Variants in RPS6KA2 observed in about 807,000 individuals in gnomAD.
RPS6KA2 encodes the protein ribosomal protein S6 kinase A2.
A neutral mutation model predicts 91.8 loss-of-function variants in RPS6KA2; 42 were observed. The observed-to-expected ratio is 0.46, with a 90% CI of 0.36 to 0.59. RPS6KA2 has a LOEUF of 0.59. Ranked by LOEUF, RPS6KA2 falls within the 20% of genes least tolerant of loss-of-function variation. The pLI, the probability that RPS6KA2 is intolerant of heterozygous loss-of-function variation, is 0.00. For synonymous variants in RPS6KA2, 414 were observed against 393.6 expected, an observed-to-expected ratio of 1.05 and a Z score of -0.61; for missense variants, 798 against 978.5, an observed-to-expected ratio of 0.82 and a Z score of 2.46.
intron 11 of RPS6KA2, among the ~76,000 whole-genome samples, chr6:166,469,398 C>T (rs938062707): frequency 4.2e-4 from 62 of 148,364 alleles, no homozygotes; most frequent in African/African-American, 1.5e-3. Context: ...AATGCAGTAT[C>T]GAATCTGGGC....
intron 3 of RPS6KA2, among the ~76,000 whole-genome samples, chr6:166,513,365 G>A (rs550271451): frequency 2.6e-5 from 4 of 152,334 alleles, no homozygotes; most frequent in South Asian, 2.1e-4. Flanking sequence ...GTGCGGGAGC[G>A]ACTGCTTATC....
intron 1 of RPS6KA2, chr6:166,586,052 C>T: frequency 1.3e-6 from 1 of 795,078 alleles, no homozygotes; most frequent in Non-Finnish European, 1.8e-6. Context: ...CTATGACCAA[C>T]AGAAGACACC....
At position 166,535,355 on chromosome 6, in the gene RPS6KA2, C is replaced by T. The variant is rs532028202; in HGVS notation, c.216+3313G>A. 1.5e-3 allele frequency among the ~76,000 whole-genome samples: 224 copies of T among 152,248 alleles called. 1 individual carries two copies. The highest frequency in any genetic ancestry group is 6.8e-3 in the Middle Eastern group (2 of 294). On this transcript the variant is annotated intron_variant, in intron 2 of 20. Transcript: ENST00000265678. ...ATCCTTCAAGCAGGAGCTAAATGCC[C>T]ATGTGCACTTCCAGGGACTTTTGAG... is the stretch of plus-strand genomic sequence containing the variant.
At chr6:166,492,948 A>T (rs4710058) in intron 8 of RPS6KA2, among the ~76,000 whole-genome samples, 78,925 of 148,472 alleles carry the variant, frequency 0.53, 22,985 homozygotes, top group African/African-American at 0.77. Context: ...GCCAGGCTGA[A>T]CTGGAACTCC....
At chr6:166,708,431 GA>G (rs1279014179) in intron 2 of RPS6KA2, among the ~76,000 whole-genome samples, 1 of 152,168 alleles carries the variant, frequency 6.6e-6, no homozygotes, top group East Asian at 1.9e-4. Context: ...ACTTGACACA[GA>G]AAAATCTCAA....
chr6:166,482,213 C>T (rs1781250903), intron 10 of RPS6KA2, among the ~76,000 whole-genome samples: 1 of 152,254 alleles, frequency 6.6e-6, no homozygotes, highest in South Asian at 2.1e-4. Flanking sequence ...GTTAAGTTCT[C>T]TGATGAGACG....
intron 2 of RPS6KA2, among the ~76,000 whole-genome samples, chr6:166,739,583 G>A (rs770806620): frequency 5.9e-5 from 9 of 152,210 alleles, no homozygotes; most frequent in African/African-American, 1.9e-4. Context: ...ATGAGAGAGC[G>A]GGTACGGAAA....
At chr6:166,468,654 G>C (rs1780629293) in intron 11 of RPS6KA2, among the ~76,000 whole-genome samples, 1 of 152,188 alleles carries the variant, frequency 6.6e-6, no homozygotes, top group Non-Finnish European at 1.5e-5. Flanking sequence ...ATGAGGTCAG[G>C]AGATCGAGAT....
intron 2 of RPS6KA2, among the ~76,000 whole-genome samples, chr6:166,791,557 T>G (rs1779090384): frequency 1.3e-5 from 2 of 152,172 alleles, no homozygotes. Flanking sequence ...ATCAACAGAA[T>G]GTACATTCTT....
chr6:166,444,753 T>C (rs545794055), intron 14 of RPS6KA2, among the ~76,000 whole-genome samples: 2 of 152,304 alleles, frequency 1.3e-5, no homozygotes, highest in Non-Finnish European at 2.9e-5. Flanking sequence ...GGAATCCAGG[T>C]TGTCATTCAG....
Position 166,616,203 on chromosome 6 carries a change from T to C in RPS6KA2, c.99+10718A>G, listed in dbSNP as rs187606812. Among the ~76,000 whole-genome samples, 326 of 152,304 alleles carry C rather than the reference T, an allele frequency of 2.1e-3. 1 individual carries two copies. Among genetic ancestry groups the C allele is most frequent in the Non-Finnish European group, 4.0e-3 (273 of 68,008 alleles). ...TACGGGTCAGACCCTGTAAGGCAGA[T>C]GTTATACTAATTTTACAGAGAAGAA... On this transcript the variant is annotated intron_variant, in intron 1 of 20. Coordinates refer to ENST00000265678, the MANE Select transcript of RPS6KA2 (RefSeq NM_021135.6).
intron 11 of RPS6KA2, among the ~76,000 whole-genome samples, chr6:166,469,482 G>T (rs1780674388): frequency 6.6e-6 from 1 of 152,148 alleles, no homozygotes; most frequent in Admixed American, 6.5e-5. Flanking sequence ...AGCCCTTGAG[G>T]TTAGAAGACA....
At chr6:166,768,742 G>C (rs775730304) in intron 2 of RPS6KA2, among the ~76,000 whole-genome samples, 2 of 152,192 alleles carry the variant, frequency 1.3e-5, no homozygotes, top group South Asian at 2.1e-4. Context: ...CTGCTCCCGG[G>C]TGACGCTGTG....
chr6:166,783,015 A>G (rs934448848), intron 2 of RPS6KA2, among the ~76,000 whole-genome samples: 1 of 151,596 alleles, frequency 6.6e-6, no homozygotes, highest in Admixed American at 6.6e-5. Context: ...TTGGTCAAAC[A>G]CCAGTCTAAA....
At chr6:166,740,381 A>G (rs1790776955) in intron 2 of RPS6KA2, among the ~76,000 whole-genome samples, 1 of 152,250 alleles carries the variant, frequency 6.6e-6, no homozygotes, top group Admixed American at 6.5e-5. Context: ...TCAAAGTAGC[A>G]GAGAGGAAAA....
At chr6:166,517,160 A>G (rs1331198564) in intron 3 of RPS6KA2, among the ~76,000 whole-genome samples, 1 of 152,196 alleles carries the variant, frequency 6.6e-6, no homozygotes, top group East Asian at 1.9e-4. Context: ...TCCCAGATCT[A>G]TTAAAGAATT....
chr6:166,701,150 G>T, intron 2 of RPS6KA2: 1 of 1,612,022 alleles, frequency 6.2e-7, no homozygotes, highest in Non-Finnish European at 8.5e-7. Flanking sequence ...TGTTGCTGCT[G>T]CTTTACCTGA....
In RPS6KA2 at chr6:166,432,505, G is replaced by A. The variant is rs1779169589; in HGVS notation, c.1333-15C>T. ...TTATCAATGATCTGGAACAAACACA[G>A]CACATGGCAGTGAGGGGTCTACTTT... On this transcript the variant is annotated splice_polypyrimidine_tract_variant and intron_variant, in intron 14 of 20. Coordinates refer to ENST00000265678, the MANE Select transcript of RPS6KA2 (RefSeq NM_021135.6). The A allele has an allele frequency of 3.2e-6, 5 of 1,544,884 alleles. No individual in the cohort carries two copies. Among genetic ancestry groups the A allele is most frequent in the Non-Finnish European group, 4.5e-6 (5 of 1,117,594 alleles).
At chr6:166,646,503 A>G (rs1248646942) in intron 2 of RPS6KA2, among the ~76,000 whole-genome samples, 2 of 152,232 alleles carry the variant, frequency 1.3e-5, no homozygotes, top group Non-Finnish European at 2.9e-5. Context: ...AGTCTTCTTT[A>G]TTCATGACAT....
Sources: allele counts gnomAD v4.1 joint callset (sites outside exome capture counted in the v4.1 genomes callset), GRCh38; gene constraint gnomAD v4.1.1; transcripts MANE v1.5; gene names NCBI Gene and HGNC (gene_info 2026-07-23, HGNC 2026-07-21).